Variants in AGBL4 observed in about 807,000 individuals in gnomAD.
The protein encoded by AGBL4 is AGBL carboxypeptidase 4, also known as cytosolic carboxypeptidase 6.
AGBL4 carries 58 observed loss-of-function variants against 66.4 expected under a neutral mutation model. The ratio of observed to expected loss-of-function variants is 0.87; its 90% CI spans 0.71 to 1.09. The LOEUF (loss-of-function observed/expected upper bound fraction) is 1.09. Ranked by LOEUF, AGBL4 falls within the 50% of genes least tolerant of loss-of-function variation. The pLI is 0.00. For synonymous variants in AGBL4, 234 were observed against 222.9 expected, an observed-to-expected ratio of 1.05 and a Z score of -0.44; for missense variants, 579 against 631.0, an observed-to-expected ratio of 0.92 and a Z score of 0.88.
chr1:48,533,829 A>T lies in AGBL4; in HGVS notation c.*344T>A, dbSNP rs752419608. ...GTAACTATAAAACTTAAAAATGTAAAGTGGCTTTGAAAGAACTGACCTGAT... is the reference window on the plus strand; with the variant it reads ...GTAACTATAAAACTTAAAAATGTAATGTGGCTTTGAAAGAACTGACCTGAT... On this transcript the variant is annotated 3_prime_UTR_variant, in exon 14 of 14. Transcript: ENST00000371839. 1.3e-4 allele frequency: 38 copies of T among 284,080 alleles called. No homozygotes were observed. The highest frequency in any genetic ancestry group is 1.4e-4 in the Non-Finnish European group (20 of 148,074). The allele number at this position is 284,080 out of a possible 1,614,324, so 17.6% of individuals were successfully genotyped here.
chr1:49,373,242 C>T (rs913814565), intron 3 of AGBL4, among the ~76,000 whole-genome samples: 2 of 152,124 alleles, frequency 1.3e-5, no homozygotes, highest in African/African-American at 2.4e-5. Flanking sequence ...GAGCAAAAAC[C>T]GTACTTTATT....
At chr1:49,893,896 G>A (rs1174744779) in intron 1 of AGBL4, among the ~76,000 whole-genome samples, 1 of 152,154 alleles carries the variant, frequency 6.6e-6, no homozygotes, top group Non-Finnish European at 1.5e-5. Flanking sequence ...ACAGGTAGTA[G>A]TTACAGTGGG....
At chr1:49,526,916 C>A (rs1394283433) in intron 3 of AGBL4, among the ~76,000 whole-genome samples, 2 of 152,110 alleles carry the variant, frequency 1.3e-5, no homozygotes, top group African/African-American at 4.8e-5. Context: ...TTTTCTGATA[C>A]TGTCCAGCAG....
Position 49,290,109 on chromosome 1 carries a change from C to T in AGBL4, c.283-44245G>A, listed in dbSNP as rs571150668. Among the ~76,000 whole-genome samples, 44 of 152,212 alleles carry T rather than the reference C, an allele frequency of 2.9e-4. 2 individuals carry two copies. In the South Asian group the frequency reaches 8.5e-3, roughly 29 times the overall value. On this transcript the variant is annotated intron_variant, in intron 3 of 13. Coordinates refer to ENST00000371839, the MANE Select transcript of AGBL4 (RefSeq NM_032785.4). ...ATAAAATCATCAAATTACTCAAAAACACAATTTATTGAAATAAATTAGAAA... is the reference window on the plus strand; with the variant it reads ...ATAAAATCATCAAATTACTCAAAAATACAATTTATTGAAATAAATTAGAAA...
chr1:48,763,531 G>A (rs1170397224), intron 6 of AGBL4, among the ~76,000 whole-genome samples: 2 of 151,940 alleles, frequency 1.3e-5, no homozygotes, highest in Non-Finnish European at 2.9e-5. Flanking sequence ...AGAGAGAGAC[G>A]ATGAGGGTGG....
chr1:49,668,871 A>G (rs550350729), intron 3 of AGBL4, among the ~76,000 whole-genome samples: 49 of 152,258 alleles, frequency 3.2e-4, no homozygotes, highest in Admixed American at 1.2e-3. Flanking sequence ...AGACACAGAT[A>G]TTTTTAGATT....
intron 5 of AGBL4, among the ~76,000 whole-genome samples, chr1:48,963,158 C>T (rs1221840819): frequency 1.3e-5 from 2 of 149,232 alleles, no homozygotes; most frequent in Non-Finnish European, 2.9e-5. Context: ...AGGGTAAACC[C>T]ATGGTAGAAG....
At chr1:48,871,525 A>T (rs1648673995) in intron 5 of AGBL4, among the ~76,000 whole-genome samples, 1 of 152,092 alleles carries the variant, frequency 6.6e-6, no homozygotes, top group African/African-American at 2.4e-5. Flanking sequence ...TGGGTATGCC[A>T]GCGTTGGATC....
chr1:49,107,910 G>T (rs965064129), intron 4 of AGBL4, among the ~76,000 whole-genome samples: 2 of 152,160 alleles, frequency 1.3e-5, no homozygotes, highest in African/African-American at 2.4e-5. Context: ...GGGAGAGATT[G>T]GAAGGGATAT....
chr1:49,576,528 G>A (rs1571085748), intron 3 of AGBL4, among the ~76,000 whole-genome samples: 1 of 152,208 alleles, frequency 6.6e-6, no homozygotes, highest in East Asian at 1.9e-4. Flanking sequence ...CTGGGCTTTG[G>A]TGGAAACTGA....
intron 4 of AGBL4, among the ~76,000 whole-genome samples, chr1:49,225,661 T>C (rs1649856665): frequency 6.6e-6 from 1 of 152,212 alleles, no homozygotes. Flanking sequence ...TTCAGTTAAC[T>C]GGAAGTTAAT....
chr1:48,808,426 T>C (rs1250650782), intron 6 of AGBL4, among the ~76,000 whole-genome samples: 1 of 152,172 alleles, frequency 6.6e-6, no homozygotes, highest in Non-Finnish European at 1.5e-5. Flanking sequence ...CAAGGTCATG[T>C]AGTATATAAA....
At chr1:49,418,402 A>G (rs1645474529) in intron 3 of AGBL4, among the ~76,000 whole-genome samples, 1 of 152,232 alleles carries the variant, frequency 6.6e-6, no homozygotes, top group African/African-American at 2.4e-5. Context: ...AATAAAACAT[A>G]TTCAGGTCCC....
At chr1:49,138,492 A>T (rs2148087218) in intron 4 of AGBL4, among the ~76,000 whole-genome samples, 1 of 152,202 alleles carries the variant, frequency 6.6e-6, no homozygotes, top group Non-Finnish European at 1.5e-5. Flanking sequence ...TCCTTAACCC[A>T]CTGCTTTCTC....
chr1:48,887,734 AG>A (rs200104912), intron 5 of AGBL4, among the ~76,000 whole-genome samples: 4,157 of 152,246 alleles, frequency 0.027, 174 homozygotes, highest in African/African-American at 0.096. Context: ...CACATTTCCC[AG>A]GAGACAAGCC....
chr1:49,820,965 G>A (rs751464552), intron 2 of AGBL4, among the ~76,000 whole-genome samples: 3 of 152,152 alleles, frequency 2.0e-5, no homozygotes, highest in Non-Finnish European at 4.4e-5. Context: ...GGATTTATGA[G>A]AGGCCACAAT....
intron 1 of AGBL4, among the ~76,000 whole-genome samples, chr1:49,980,413 T>C (rs928604486): frequency 6.6e-6 from 1 of 152,154 alleles, no homozygotes; most frequent in Admixed American, 6.5e-5. Context: ...TCTCTACCCA[T>C]CAAACAACTT....
At chr1:48,649,233 G>C (rs549935377) in intron 8 of AGBL4, among the ~76,000 whole-genome samples, 2 of 152,316 alleles carry the variant, frequency 1.3e-5, no homozygotes, top group East Asian at 3.9e-4. Flanking sequence ...GGAGAGTACA[G>C]GGTGCTATAA....
chr1:48,906,362 A>G (rs1397340335), intron 5 of AGBL4, among the ~76,000 whole-genome samples: 2 of 152,202 alleles, frequency 1.3e-5, no homozygotes, highest in African/African-American at 4.8e-5. Flanking sequence ...GAGTATGCAG[A>G]GACAAAAGAC....
Sources: allele counts gnomAD v4.1 joint callset (sites outside exome capture counted in the v4.1 genomes callset), GRCh38; gene constraint gnomAD v4.1.1; transcripts MANE v1.5; gene names NCBI Gene and HGNC (gene_info 2026-07-23, HGNC 2026-07-21).